EPHA5: variants seen among roughly 807,000 people sequenced by gnomAD.
The protein encoded by EPHA5 is EPH receptor A5.
A neutral mutation model predicts 105.0 loss-of-function variants in EPHA5; 60 were observed. The observed-to-expected ratio is 0.57, with a 90% CI of 0.46 to 0.71. The LOEUF (loss-of-function observed/expected upper bound fraction) is 0.71, where lower values mean the gene tolerates loss of function less well. EPHA5 is among the 30% of genes least tolerant of loss of function. EPHA5 has a pLI of 0.00. For synonymous variants in EPHA5, 513 were observed against 449.1 expected (o/e 1.14, Z -1.80); for missense variants, 1,218 against 1,274.7 (o/e 0.96, Z 0.68).
rs759573844 is a variant in EPHA5 at position 65,377,030 on chromosome 4, G to A, written c.1794-9606C>T. 1.9e-6 allele frequency: 3 copies of A among 1,609,172 alleles called. No individual in the cohort carries two copies. The East Asian group carries it at 6.7e-5, about 36-fold the overall frequency. On this transcript the variant is annotated intron_variant, in intron 8 of 16. Coordinates refer to ENST00000613740, the MANE Select transcript of EPHA5 (RefSeq NM_001281766.3). ...GGCTTGGATGGGCAACAGCGCACAG[G>A]GAAGAAGCCCTCCCACAGCCACATT...
intron 5 of EPHA5, among the ~76,000 whole-genome samples, chr4:65,477,994 A>G (rs1471527276): frequency 1.3e-5 from 2 of 152,226 alleles, no homozygotes; most frequent in African/African-American, 4.8e-5. Flanking sequence ...ACTTCTAAAA[A>G]TATTCTATCC....
intron 5 of EPHA5, among the ~76,000 whole-genome samples, chr4:65,481,213 T>C (rs1730331891): frequency 6.6e-6 from 1 of 152,194 alleles, no homozygotes; most frequent in Admixed American, 6.5e-5. Flanking sequence ...TTAGTTTAAA[T>C]CACATTGAAA....
At position 65,323,069 on chromosome 4, in the gene EPHA5, G is replaced by C. The variant is rs1244027663; in HGVS notation, c.*1045C>G. 5 of 228,776 alleles carry C rather than the reference G, an allele frequency of 2.2e-5. No homozygotes were observed. Among genetic ancestry groups the C allele is most frequent in the African/African-American group, 8.9e-5 (4 of 45,006 alleles). 14.2% of individuals were successfully genotyped at this position (228,776 alleles called of 1,614,324 possible). ...CTTTGCTTGACAAGATACTTTTCAG[G>C]ACTCAGAAAGGTGAAATTTCTTACA... On this transcript the variant is annotated 3_prime_UTR_variant, in exon 17 of 17. Coordinates refer to ENST00000613740, the MANE Select transcript of EPHA5 (RefSeq NM_001281766.3).
chr4:65,538,647 T>C (rs574482915), intron 3 of EPHA5, among the ~76,000 whole-genome samples: 1 of 151,670 alleles, frequency 6.6e-6, no homozygotes, highest in African/African-American at 2.4e-5. Context: ...CTCCTAGATG[T>C]AGTCTTCATT....
Position 65,506,620 on chromosome 4 carries a change from A to G in EPHA5, c.911-11077T>C, listed in dbSNP as rs1460639059. ...GGCCAGTGATGATAAGCATTTTGTC[A>G]TGTGTCTTTTGGCTGCATAAATGTC... is the stretch of plus-strand genomic sequence containing the variant. On this transcript the variant is annotated intron_variant, in intron 3 of 16. Transcript: ENST00000613740. Among the ~76,000 whole-genome samples the G allele has an allele frequency of 2.1e-5, 3 of 145,146 alleles. 1 individual carries two copies. Among genetic ancestry groups the G allele is most frequent in the Admixed American group, 6.9e-5 (1 of 14,488 alleles).
chr4:65,413,584 A>T (rs1345116047), intron 7 of EPHA5, among the ~76,000 whole-genome samples: 1 of 152,138 alleles, frequency 6.6e-6, no homozygotes, highest in Non-Finnish European at 1.5e-5. Context: ...AAATACACAC[A>T]CACACAGACA....
Position 65,399,173 on chromosome 4 carries a change from A to T in EPHA5, c.1793+5201T>A, listed in dbSNP as rs573144064. Among the ~76,000 whole-genome samples the T allele has an allele frequency of 1.4e-4, 21 of 152,298 alleles. 1 individual carries two copies. The South Asian group carries it at 3.7e-3, about 27-fold the overall frequency. ...TTCCAGGCATCACCACATTCCCCTC[A>T]TCCAGACATGGTGCCCACAGTGAAA... On this transcript the variant is annotated intron_variant, in intron 8 of 16. Transcript: ENST00000613740.
intron 2 of EPHA5, among the ~76,000 whole-genome samples, chr4:65,629,939 G>C (rs1746478329): frequency 6.6e-6 from 1 of 152,108 alleles, no homozygotes; most frequent in Admixed American, 6.6e-5. Flanking sequence ...ATTGCAGAAA[G>C]GGCATGTGCT....
chr4:65,608,490 C>T (rs1210265435), intron 2 of EPHA5, among the ~76,000 whole-genome samples: 2 of 149,420 alleles, frequency 1.3e-5, no homozygotes, highest in African/African-American at 2.5e-5. Flanking sequence ...GGCGACAGAG[C>T]GAGACTCCAT....
intron 3 of EPHA5, among the ~76,000 whole-genome samples, chr4:65,594,073 T>C (rs1742937142): frequency 6.6e-6 from 1 of 152,300 alleles, no homozygotes; most frequent in Admixed American, 6.5e-5. Flanking sequence ...CTTTTGCTGG[T>C]ATCTGAATAA....
rs757668101 is a variant in EPHA5, at chr4:65,351,603, A to G, written c.2236-5T>C. ...AGTGAACTGCCCATCGTTTTTCTGT[A>G]AAGACAATGTAGAAATATTAGTCTA... On this transcript the variant is annotated splice_region_variant and splice_polypyrimidine_tract_variant and intron_variant, in intron 12 of 16. Transcript: ENST00000613740. 3.1e-6 allele frequency: 5 copies of G among 1,613,094 alleles called. No homozygotes were observed. The highest frequency in any genetic ancestry group is 1.7e-4 in the Middle Eastern group (1 of 6,052).
Position 65,373,837 on chromosome 4 carries a change from T to G in EPHA5, c.1794-6413A>C, listed in dbSNP as rs1718727839. On this transcript the variant is annotated intron_variant, in intron 8 of 16. Coordinates refer to ENST00000613740, the MANE Select transcript of EPHA5 (RefSeq NM_001281766.3). ...TAAATCCCTCAGAGGATGGAGTAAATAATATGAAGACACTGAAAAGCATGA... is the reference window on the plus strand; with the variant it reads ...TAAATCCCTCAGAGGATGGAGTAAAGAATATGAAGACACTGAAAAGCATGA... Among the ~76,000 whole-genome samples, 3 of 151,802 alleles carry G rather than the reference T, an allele frequency of 2.0e-5. No homozygotes were observed. The Admixed American group carries it at 2.0e-4, about 10-fold the overall frequency.
At chr4:65,401,211 G>A (rs565620057) in intron 8 of EPHA5, among the ~76,000 whole-genome samples, 2 of 151,942 alleles carry the variant, frequency 1.3e-5, no homozygotes, top group Non-Finnish European at 2.9e-5. Flanking sequence ...ATTTATGTTA[G>A]GTTTTGGCCA....
At chr4:65,601,614 C>G (rs1743731252) in intron 3 of EPHA5, 27 bp downstream of exon 3, 17 of 1,600,524 alleles carry the variant, frequency 1.1e-5, no homozygotes, top group Non-Finnish European at 1.4e-5. Context: ...GCAGACAGCC[C>G]CTGCAGATCT....
At chr4:65,463,664 A>T (rs1728332806) in intron 5 of EPHA5, among the ~76,000 whole-genome samples, 1 of 152,148 alleles carries the variant, frequency 6.6e-6, no homozygotes. Flanking sequence ...TCATTTAAGT[A>T]TAAGTTCATT....
intron 14 of EPHA5, among the ~76,000 whole-genome samples, chr4:65,347,419 G>A (rs923678902): frequency 6.6e-6 from 1 of 152,092 alleles, no homozygotes; most frequent in Non-Finnish European, 1.5e-5. Flanking sequence ...ATTACAAAGG[G>A]AAAGATTAAA....
At chr4:65,417,348 A>G (rs2149028653) in intron 6 of EPHA5, among the ~76,000 whole-genome samples, 1 of 152,232 alleles carries the variant, frequency 6.6e-6, no homozygotes, top group East Asian at 1.9e-4. Context: ...CAGGACCCCT[A>G]ACTCAATACA....
chr4:65,348,316 T>A, intron 13 of EPHA5, 113 bp from the exon 14 acceptor site: 1 of 962,230 alleles, frequency 1.0e-6, no homozygotes, highest in Non-Finnish European at 1.5e-6. Context: ...AGTGAATCTG[T>A]TTGACAGCGC....
At chr4:65,622,700 C>T (rs1057287538) in intron 2 of EPHA5, among the ~76,000 whole-genome samples, 1 of 151,830 alleles carries the variant, frequency 6.6e-6, no homozygotes, top group Non-Finnish European at 1.5e-5. Context: ...CTTAAGGTAA[C>T]CTTTGAATTT....
Sources: allele counts gnomAD v4.1 joint callset (sites outside exome capture counted in the v4.1 genomes callset), GRCh38; gene constraint gnomAD v4.1.1; transcripts MANE v1.5; gene names NCBI Gene and HGNC (gene_info 2026-07-23, HGNC 2026-07-21).